ZCWPW2: variants seen among roughly 807,000 people sequenced by gnomAD.
The protein encoded by ZCWPW2 is zinc finger CW-type and PWWP domain containing 2, also known as zinc finger CW-type PWWP domain protein 2.
A neutral mutation model predicts 46.6 loss-of-function variants in ZCWPW2; 45 were observed. The observed-to-expected ratio is 0.96, with a 90% CI of 0.76 to 1.24. The LOEUF (loss-of-function observed/expected upper bound fraction) is 1.24. Among genes scored for constraint, ZCWPW2 ranks in the 50% most tolerant of loss-of-function variants. The pLI, the probability that ZCWPW2 is intolerant of heterozygous loss-of-function variation, is 0.00. For missense variants in ZCWPW2, 429 were observed against 403.9 expected (o/e 1.06, Z -0.53); for synonymous variants, 152 against 137.1 (o/e 1.11, Z -0.76).
intron 6 of ZCWPW2, among the ~76,000 whole-genome samples, chr3:28,509,598 T>G (rs1700372948): frequency 6.6e-6 from 1 of 152,164 alleles, no homozygotes; most frequent in Non-Finnish European, 1.5e-5. Flanking sequence ...TTAAGCATCT[T>G]TTTGTGTGCT....
At chr3:28,486,226 C>T (rs1699595053) in intron 5 of ZCWPW2, among the ~76,000 whole-genome samples, 2 of 152,132 alleles carry the variant, frequency 1.3e-5, no homozygotes, top group South Asian at 4.1e-4. Flanking sequence ...TATGCCTTCT[C>T]ATCCCTGGTA....
intron 3 of ZCWPW2, among the ~76,000 whole-genome samples, chr3:28,432,814 A>G (rs1697320470): frequency 6.6e-6 from 1 of 152,164 alleles, no homozygotes; most frequent in Non-Finnish European, 1.5e-5. Context: ...GTTACAATGT[A>G]TTATCTGAAT....
chr3:28,381,084 A>ATATATATATATAT (rs1695089541), intron 1 of ZCWPW2, among the ~76,000 whole-genome samples: 1 of 131,306 alleles, frequency 7.6e-6, no homozygotes, highest in East Asian at 2.3e-4. Flanking sequence ...ATATATACAG[A>ATATATATATATAT]AAAGTAAAAC....
At chr3:28,393,963 T>A (rs935795325) in intron 2 of ZCWPW2, among the ~76,000 whole-genome samples, 1 of 151,908 alleles carries the variant, frequency 6.6e-6, no homozygotes, top group African/African-American at 2.4e-5. Context: ...GTAAAAGATA[T>A]CCAAATAAAA....
At chr3:28,372,828 A>G (rs1208648485) in intron 1 of ZCWPW2, among the ~76,000 whole-genome samples, 1 of 152,098 alleles carries the variant, frequency 6.6e-6, no homozygotes, top group Non-Finnish European at 1.5e-5. Context: ...CTGTAGCTCC[A>G]TGTGTACCCA....
intron 4 of ZCWPW2, among the ~76,000 whole-genome samples, chr3:28,468,214 C>T (rs541373742): frequency 7.9e-5 from 12 of 151,372 alleles, no homozygotes; most frequent in Non-Finnish European, 1.8e-4. Flanking sequence ...CAGAATTGAT[C>T]AAGCAGAAGA....
intron 4 of ZCWPW2, among the ~76,000 whole-genome samples, chr3:28,436,315 TTTTTTTTC>T (rs1014277121): frequency 8.7e-6 from 1 of 114,738 alleles, no homozygotes; most frequent in African/African-American, 4.2e-5. Flanking sequence ...GAATATTTTC[TTTTTTTTC>T]TTTTTTTTTT....
At chr3:28,349,770 T>TA (rs2125681508) in intron 1 of ZCWPW2, among the ~76,000 whole-genome samples, 1 of 152,304 alleles carries the variant, frequency 6.6e-6, no homozygotes, top group African/African-American at 2.4e-5. Context: ...TTAACGTCAC[T>TA]AACCGCCGAT....
intron 1 of ZCWPW2, among the ~76,000 whole-genome samples, chr3:28,382,778 A>G (rs1281402442): frequency 6.6e-6 from 1 of 152,138 alleles, no homozygotes; most frequent in Non-Finnish European, 1.5e-5. Context: ...TCCTGTCCTA[A>G]TGAGTAAAAT....
chr3:28,436,901 T>G (rs2125765671), intron 4 of ZCWPW2, among the ~76,000 whole-genome samples: 1 of 152,334 alleles, frequency 6.6e-6, no homozygotes, highest in Non-Finnish European at 1.5e-5. Context: ...GACCTTAGAA[T>G]CTTACCTCAG....
chr3:28,493,305 C>T (rs1412260462), intron 6 of ZCWPW2, among the ~76,000 whole-genome samples: 3 of 79,258 alleles, frequency 3.8e-5, no homozygotes, highest in Non-Finnish European at 7.4e-5. Flanking sequence ...CCCCCTCCCC[C>T]GACCCCACCA....
intron 4 of ZCWPW2, among the ~76,000 whole-genome samples, chr3:28,435,836 T>C (rs1247503492): frequency 6.6e-6 from 1 of 152,144 alleles, no homozygotes; most frequent in Non-Finnish European, 1.5e-5. Flanking sequence ...CTGAAGACTT[T>C]ATGTGATTGC....
At chr3:28,448,887 C>T (rs904595016) in intron 4 of ZCWPW2, among the ~76,000 whole-genome samples, 1 of 139,328 alleles carries the variant, frequency 7.2e-6, no homozygotes, top group Non-Finnish European at 1.5e-5. Flanking sequence ...CTATTAAAAT[C>T]CTAATGGTAT....
At chr3:28,451,561 A>G (rs147195602) in intron 4 of ZCWPW2, among the ~76,000 whole-genome samples, 7 of 152,302 alleles carry the variant, frequency 4.6e-5, no homozygotes, top group African/African-American at 7.2e-5. Flanking sequence ...TTGCTGCTCA[A>G]TGCTCCCCTA....
intron 4 of ZCWPW2, among the ~76,000 whole-genome samples, chr3:28,462,951 C>A (rs1016677898): frequency 7.2e-5 from 11 of 152,236 alleles, no homozygotes; most frequent in African/African-American, 1.9e-4. Flanking sequence ...GTCAATAATA[C>A]CTGATTAAAA....
In ZCWPW2 at chr3:28,506,085, T is replaced by TTA. The variant is rs542060216; in HGVS notation, c.658-7970_658-7969dup. 4.3e-3 allele frequency among the ~76,000 whole-genome samples: 636 copies of TTA among 146,986 alleles called. 5 individuals are homozygous for TTA. Among genetic ancestry groups the TTA allele is most frequent in the Middle Eastern group, 0.018 (5 of 278 alleles). On this transcript the variant is annotated intron_variant, in intron 6 of 9. Transcript: ENST00000383768. ...TCCTAATTATCATTAAATATATATA[T>TTA]TATATATATAATATATAATATATAT...
chr3:28,417,606 G>A (rs1333936780), intron 3 of ZCWPW2, among the ~76,000 whole-genome samples: 6 of 147,174 alleles, frequency 4.1e-5, no homozygotes, highest in Non-Finnish European at 6.0e-5. Context: ...CATCGATGCA[G>A]AAATCCTCAA....
intron 4 of ZCWPW2, among the ~76,000 whole-genome samples, chr3:28,451,411 A>C (rs555418522): frequency 2.6e-5 from 4 of 152,150 alleles, no homozygotes; most frequent in Non-Finnish European, 5.9e-5. Flanking sequence ...CTCTTTGTAC[A>C]CTATGCCAAC....
chr3:28,466,541 G>T (rs1215914876), intron 4 of ZCWPW2, among the ~76,000 whole-genome samples: 1 of 152,192 alleles, frequency 6.6e-6, no homozygotes, highest in Non-Finnish European at 1.5e-5. Context: ...GCTCATGCCT[G>T]TAATCCCAGC....
Sources: gnomAD v4.1 joint callset for allele counts (sites outside exome capture counted in the v4.1 genomes callset) on GRCh38, gnomAD v4.1.1 for gene constraint, MANE v1.5 for transcripts, NCBI Gene and HGNC (gene_info 2026-07-23, HGNC 2026-07-21) for gene names.